Variants in LAMC3 observed in about 807,000 individuals in gnomAD.
LAMC3 encodes the protein laminin subunit gamma-3.
In LAMC3, 128 loss-of-function variants were observed where a neutral mutation model predicts 173.8. The observed-to-expected ratio is 0.74, with a 90% CI of 0.64 to 0.85. The LOEUF (loss-of-function observed/expected upper bound fraction) is 0.85. Ranked by LOEUF, LAMC3 falls within the 40% of genes least tolerant of loss-of-function variation. LAMC3 has a pLI of 0.00. For missense variants in LAMC3, 2,022 were observed against 2,156.0 expected (o/e 0.94, Z 1.23); for synonymous variants, 897 against 909.1 (o/e 0.99, Z 0.24).
chr9:131,037,653 A>G (rs547359714), intron 4 of LAMC3, among the ~76,000 whole-genome samples: 8 of 152,228 alleles, frequency 5.3e-5, no homozygotes, highest in East Asian at 3.9e-4. Context: ...AGGCACATAC[A>G]TCACCATGCC....
At position 131,056,994 on chromosome 9, in the gene LAMC3, T is replaced by C; in HGVS notation, c.2005T>C (p.Trp669Arg). 1 of 1,614,140 alleles carries C rather than the reference T, an allele frequency of 6.2e-7. No homozygotes were observed. Among genetic ancestry groups the C allele is most frequent in the Non-Finnish European group, 8.5e-7 (1 of 1,180,036 alleles). Residue 669 changes from tryptophan (W) to arginine (R), a missense_variant, in exon 12 of 28, where the codon TGG (tryptophan) becomes CGG (arginine). Transcript: ENST00000361069. ...GCCAGGGCTTTCCCCGCCAGCCTCCTGGGTGGAGATTTGTTCATGTCCCAC... is the reference window on the plus strand; with the variant it reads ...GCCAGGGCTTTCCCCGCCAGCCTCCCGGGTGGAGATTTGTTCATGTCCCAC... Reference protein sequence around the residue: ...ARPGLSPPASWVEICSCPTGY... With the variant: ...ARPGLSPPASRVEICSCPTGY...
intron 12 of LAMC3, among the ~76,000 whole-genome samples, chr9:131,057,600 C>T (rs1829713736): frequency 6.6e-6 from 1 of 152,214 alleles, no homozygotes; most frequent in Admixed American, 6.5e-5. Context: ...TAGGCACCAA[C>T]CCAGAACCAC....
intron 1 of LAMC3, among the ~76,000 whole-genome samples, chr9:131,022,778 A>G (rs991497425): frequency 1.3e-5 from 2 of 151,918 alleles, no homozygotes; most frequent in Non-Finnish European, 2.9e-5. Flanking sequence ...GGATCTTGCT[A>G]TGTTACCCAG....
chr9:131,090,528 A>AGCTGCTTGCC (rs1008281989), intron 27 of LAMC3, among the ~76,000 whole-genome samples: 5 of 152,172 alleles, frequency 3.3e-5, no homozygotes, highest in Non-Finnish European at 5.9e-5. Flanking sequence ...CAGTGCTTGC[A>AGCTGCTTGCC]GCTGCTTGCC....
At chr9:131,069,526 A>G (rs547013851) in intron 16 of LAMC3, 146 bp from the exon 17 acceptor site, 1 of 774,760 alleles carries the variant, frequency 1.3e-6, no homozygotes, top group East Asian at 2.7e-5. Context: ...ATCTCCAGGG[A>G]AGGGCCCAGG....
intron 7 of LAMC3, among the ~76,000 whole-genome samples, 199 bp downstream of exon 7, chr9:131,041,934 G>T (rs1206239515): frequency 6.6e-6 from 1 of 152,188 alleles, no homozygotes; most frequent in Non-Finnish European, 1.5e-5. Context: ...GGCACTGTTT[G>T]TGCTTTGATT....
At chr9:131,088,007 G>T (rs1272050541) in intron 27 of LAMC3, among the ~76,000 whole-genome samples, 190 bp downstream of exon 27, 1 of 152,206 alleles carries the variant, frequency 6.6e-6, no homozygotes, top group Non-Finnish European at 1.5e-5. Flanking sequence ...GTGGGACAGG[G>T]TTGGCATCTA....
chr9:131,049,063 C>T lies in LAMC3; in HGVS notation c.1563C>T (p.His521=). The T allele has an allele frequency of 5.8e-6, 9 of 1,551,384 alleles. 1 individual carries two copies. The highest frequency in any genetic ancestry group is 3.6e-5 in the South Asian group (3 of 84,068). Residue 521 remains histidine, a synonymous_variant, in exon 9 of 28, where the codon CAC becomes CAT. Coordinates refer to ENST00000361069, the MANE Select transcript of LAMC3 (RefSeq NM_006059.4). ...WWARSVGGSE[H]PPQWSPNGVL... ...CCAGAAGTGTGGGGGGCTCTGAGCACCCCCCACAATGGAGCCCAAATGGGG... is the reference window on the plus strand; with the variant it reads ...CCAGAAGTGTGGGGGGCTCTGAGCATCCCCCACAATGGAGCCCAAATGGGG...
rs1833359378 is a variant in LAMC3, at chr9:131,009,305, C to A, written c.91C>A (p.Arg31Ser). 1.4e-6 allele frequency: 2 copies of A among 1,442,954 alleles called. No individual in the cohort carries two copies. The highest frequency in any genetic ancestry group is 2.7e-5 in the South Asian group (2 of 72,932). 89.4% of individuals were successfully genotyped at this position (1,442,954 alleles called of 1,614,324 possible). ...GMGACYDGAG[R>S]PQRCLPVFEN... ...GGGCGCGTGCTATGACGGCGCAGGG[C>A]GCCCGCAGCGCTGCCTGCCGGTGTT... Residue 31 changes from arginine to serine, a missense_variant, in exon 1 of 28, where the codon CGC (arginine) becomes AGC (serine). Transcript: ENST00000361069. The surrounding 1 kb of genome is among the most constrained non-coding windows in gnomAD (Gnocchi z 4.3).
rs894855274 is a variant in LAMC3, at chr9:131,023,637, T to C, written c.374-2648T>C. ...GTTTTTTCTTTTTTGAGATAGAGTC[T>C]CACTCGGTTGCCCAGGTTGGAGTGC... On this transcript the variant is annotated intron_variant, in intron 1 of 27. Transcript: ENST00000361069. 5.9e-5 allele frequency among the ~76,000 whole-genome samples: 9 copies of C among 152,226 alleles called. No homozygotes were observed. The East Asian group carries it at 1.5e-3, about 26-fold the overall frequency.
Position 131,087,728 on chromosome 9 carries a change from G to A in LAMC3, c.4388G>A (p.Gly1463Glu), listed in dbSNP as rs1230741917. 6.2e-7 allele frequency: 1 copy of A among 1,614,004 alleles called. No homozygotes were observed. Among genetic ancestry groups the A allele is most frequent in the Non-Finnish European group, 8.5e-7 (1 of 1,180,000 alleles). The change falls in exon 27 of 28, where the codon GGG (glycine) becomes GAG (glutamate). Residue 1463 changes from glycine to glutamate, a missense_variant. By Grantham distance (98) the Gly-to-Glu change is moderately conservative (BLOSUM62 -2). Transcript: ENST00000361069. ...TCCTCCCCCTGAAAGGTGGGTGCTG[G>A]GCTGAGCGAGATGGAGCAGCAGATC... ...ELEEAERVGA[G>E]LSEMEQQIRE...
At chr9:131,017,075 G>A (rs1833533927) in intron 1 of LAMC3, among the ~76,000 whole-genome samples, 2 of 152,216 alleles carry the variant, frequency 1.3e-5, no homozygotes, top group African/African-American at 2.4e-5. Context: ...GGATCTGGGG[G>A]CGGCCTGGTG....
chr9:131,033,430 G>T (rs1308205990), intron 3 of LAMC3, among the ~76,000 whole-genome samples: 4 of 152,252 alleles, frequency 2.6e-5, no homozygotes, highest in African/African-American at 9.6e-5. Context: ...GAGGACAGGA[G>T]CTGGTGCTGC....
intron 7 of LAMC3, among the ~76,000 whole-genome samples, chr9:131,044,501 C>G (rs1032606860): frequency 1.3e-5 from 2 of 152,130 alleles, no homozygotes; most frequent in African/African-American, 4.8e-5. Flanking sequence ...CAGAGCGAGA[C>G]TTCGTCTCAA....
chr9:131,050,427 G>A lies in LAMC3; in HGVS notation c.1630+1297G>A, dbSNP rs1422438236. Reference sequence around the variant, plus strand: ...CCAGCATGTCCACCTTCTGTATTCTGCCTACGAGCACTCAGTGGGGCAAAG... The same window carrying A: ...CCAGCATGTCCACCTTCTGTATTCTACCTACGAGCACTCAGTGGGGCAAAG... On this transcript the variant is annotated intron_variant, in intron 9 of 27. Transcript: ENST00000361069. Among the ~76,000 whole-genome samples the A allele has an allele frequency of 2.0e-5, 3 of 152,324 alleles. No individual in the cohort carries two copies. In the East Asian group the frequency reaches 5.8e-4, roughly 29 times the overall value.
intron 21 of LAMC3, among the ~76,000 whole-genome samples, chr9:131,076,626 C>G (rs147451704): frequency 6.6e-6 from 1 of 152,268 alleles, no homozygotes; most frequent in East Asian, 1.9e-4. Context: ...CAGCAATGCC[C>G]TTGTCGAGGA....
At chr9:131,053,230 G>A (rs1325417897) in intron 11 of LAMC3, among the ~76,000 whole-genome samples, 3 of 152,182 alleles carry the variant, frequency 2.0e-5, no homozygotes, top group Non-Finnish European at 4.4e-5. Flanking sequence ...CAGGTGTGCG[G>A]CCAGCAAGCC....
intron 7 of LAMC3, among the ~76,000 whole-genome samples, chr9:131,043,955 T>G (rs1834101337): frequency 7.2e-6 from 1 of 139,700 alleles, no homozygotes; most frequent in African/African-American, 2.7e-5. Context: ...TTTAGTGACT[T>G]GCTGCTTTTT....
chr9:131,081,036 T>C (rs932320780), intron 23 of LAMC3, among the ~76,000 whole-genome samples: 3 of 152,232 alleles, frequency 2.0e-5, no homozygotes, highest in African/African-American at 7.2e-5. Context: ...CCTAACTCCA[T>C]GCCCACTCAG....
Sources: allele counts gnomAD v4.1 joint callset (sites outside exome capture counted in the v4.1 genomes callset), GRCh38; gene constraint gnomAD v4.1.1; non-coding constraint Gnocchi (gnomAD v3.1); transcripts MANE v1.5; gene names NCBI Gene and HGNC (gene_info 2026-07-23, HGNC 2026-07-21).